RBM20: variants seen among roughly 807,000 people sequenced by gnomAD.
RBM20 encodes RNA-binding protein 20.
In RBM20, 51 loss-of-function variants were observed where a neutral mutation model predicts 110.1. The ratio of observed to expected loss-of-function variants is 0.46; its 90% CI spans 0.37 to 0.59. RBM20 has a LOEUF of 0.59. RBM20 is among the 20% of genes least tolerant of loss of function. RBM20 has a pLI of 0.00. For synonymous variants in RBM20, 589 were observed against 618.2 expected, an observed-to-expected ratio of 0.95 and a Z score of 0.70; for missense variants, 1,512 against 1,574.9, an observed-to-expected ratio of 0.96 and a Z score of 0.68.
At chr10:110,793,618 T>G (rs4917587) in intron 5 of RBM20, among the ~76,000 whole-genome samples, 151,662 of 152,366 alleles carry the variant, frequency 1, 75,479 homozygotes, top group Middle Eastern at 1. Context: ...ATAGGTTACA[T>G]CTCCGTATTT....
At chr10:110,758,014 C>CTTTGTTTTTT (rs1843943237) in intron 1 of RBM20, among the ~76,000 whole-genome samples, 1 of 79,910 alleles carries the variant, frequency 1.3e-5, no homozygotes, top group Admixed American at 1.8e-4. Flanking sequence ...GATCCTTGTT[C>CTTTGTTTTTT]TTTTTTTTTT....
intron 1 of RBM20, among the ~76,000 whole-genome samples, chr10:110,716,654 C>T (rs140820027): frequency 1.3e-5 from 2 of 152,184 alleles, no homozygotes; most frequent in East Asian, 3.9e-4. Context: ...TGGCTGATGC[C>T]TGTAATCCCA....
chr10:110,830,383 G>A (rs1845035248), intron 12 of RBM20, among the ~76,000 whole-genome samples: 1 of 152,168 alleles, frequency 6.6e-6, no homozygotes, highest in Non-Finnish European at 1.5e-5. Flanking sequence ...AATCACAAAT[G>A]AAATGCTAAT....
chr10:110,820,211 G>A (rs1470830866), intron 10 of RBM20, 35 bp downstream of exon 10: 3 of 1,428,114 alleles, frequency 2.1e-6, no homozygotes, highest in Non-Finnish European at 2.9e-6. Context: ...CTTCTGCCAT[G>A]AGGGACTGAG....
intron 3 of RBM20, among the ~76,000 whole-genome samples, chr10:110,783,907 CT>C (rs1478914683): frequency 2.0e-5 from 3 of 152,364 alleles, no homozygotes; most frequent in South Asian, 2.1e-4. Flanking sequence ...CCTATTCCCC[CT>C]AAGCCAGCCC....
In RBM20 at chr10:110,746,935, A is replaced by G. The variant is rs764036398; in HGVS notation, c.192-33866A>G. 1.3e-5 allele frequency among the ~76,000 whole-genome samples: 2 copies of G among 152,148 alleles called. 1 individual carries two copies. The highest frequency in any genetic ancestry group is 1.3e-4 in the Admixed American group (2 of 15,280). On this transcript the variant is annotated intron_variant, in intron 1 of 13. Transcript: ENST00000369519. ...CTAGTGATGTAAATAATTCTATACCACTTCTTTTTCTTTTTTCTACCCTCT... is the reference window on the plus strand; with the variant it reads ...CTAGTGATGTAAATAATTCTATACCGCTTCTTTTTCTTTTTTCTACCCTCT...
chr10:110,693,648 T>C (rs1862621189), intron 1 of RBM20, among the ~76,000 whole-genome samples: 1 of 152,234 alleles, frequency 6.6e-6, no homozygotes, highest in South Asian at 2.1e-4. Context: ...CAAGGTAAAG[T>C]ACCAAGGAAC....
At chr10:110,708,394 C>T (rs573866939) in intron 1 of RBM20, among the ~76,000 whole-genome samples, 10 of 152,036 alleles carry the variant, frequency 6.6e-5, no homozygotes, top group Non-Finnish European at 1.0e-4. Flanking sequence ...TGAGGACCAG[C>T]GTGATGAACT....
At chr10:110,706,068 G>A (rs1013048793) in intron 1 of RBM20, among the ~76,000 whole-genome samples, 6 of 149,126 alleles carry the variant, frequency 4.0e-5, no homozygotes, top group African/African-American at 1.5e-4. Flanking sequence ...GTGACAGAGT[G>A]AGACTCCATC....
chr10:110,664,736 G>C (rs1175931557), intron 1 of RBM20, among the ~76,000 whole-genome samples: 5 of 151,942 alleles, frequency 3.3e-5, no homozygotes, highest in Non-Finnish European at 7.4e-5. Context: ...AACAGAGTGA[G>C]ACTCTGTCTC....
rs373480063 is a variant in RBM20, at chr10:110,780,958, G to T, written c.349G>T (p.Ala117Ser). 6.4e-7 allele frequency: 1 copy of T among 1,551,524 alleles called. No homozygotes were observed. The highest frequency in any genetic ancestry group is 1.4e-5 in the African/African-American group (1 of 73,014). ...AGCTGTCACCAACAACACTGCAGCCGCCACAGTCCTGAACCAAGTCCTCTC... is the reference window on the plus strand; with the variant it reads ...AGCTGTCACCAACAACACTGCAGCCTCCACAGTCCTGAACCAAGTCCTCTC... ...QTAVTNNTAA[A>S]TVLNQVLSKV... is the part of the protein sequence containing the mutation. Residue 117 changes from alanine (A) to serine (S), a missense_variant, in exon 2 of 14, where the codon GCC becomes TCC. By Grantham distance (99) the Ala-to-Ser change is moderately conservative (BLOSUM62 1). Coordinates refer to ENST00000369519, the MANE Select transcript of RBM20 (RefSeq NM_001134363.3).
intron 1 of RBM20, among the ~76,000 whole-genome samples, chr10:110,775,014 A>G (rs1844242806): frequency 6.6e-6 from 1 of 152,200 alleles, no homozygotes; most frequent in Non-Finnish European, 1.5e-5. Flanking sequence ...GGAAAACTAT[A>G]ATGTAGTTCT....
At chr10:110,761,201 G>A (rs752058532) in intron 1 of RBM20, 1 of 151,868 alleles carries the variant, frequency 6.6e-6, no homozygotes, top group African/African-American at 2.4e-5. Context: ...AGCTAAGCAC[G>A]GTCAGGCCTA....
At chr10:110,728,156 G>C (rs944186151) in intron 1 of RBM20, among the ~76,000 whole-genome samples, 1 of 152,164 alleles carries the variant, frequency 6.6e-6, no homozygotes, top group African/African-American at 2.4e-5. Context: ...TAATCCTTTA[G>C]GTATATACCC....
At chr10:110,800,041 A>G in intron 7 of RBM20, 123 bp downstream of exon 7, 2 of 940,280 alleles carry the variant, frequency 2.1e-6, no homozygotes, top group East Asian at 2.7e-5. Context: ...GAAATTACAC[A>G]CTGCCTTTGA....
chr10:110,683,305 G>A (rs1862449251), intron 1 of RBM20, among the ~76,000 whole-genome samples: 1 of 152,218 alleles, frequency 6.6e-6, no homozygotes, highest in South Asian at 2.1e-4. Context: ...TTGGCTCAAA[G>A]CACTGGTCAG....
intron 1 of RBM20, among the ~76,000 whole-genome samples, chr10:110,754,162 A>G (rs76304765): frequency 0.017 from 2,534 of 152,262 alleles, 78 homozygotes; most frequent in African/African-American, 0.058. Context: ...CAGCGTATTA[A>G]AGATATTATT....
chr10:110,716,259 C>T (rs1249551484), intron 1 of RBM20, among the ~76,000 whole-genome samples: 1 of 152,168 alleles, frequency 6.6e-6, no homozygotes, highest in East Asian at 1.9e-4. Context: ...AGATGTCTCC[C>T]TCCAGGGCAA....
At chr10:110,674,578 T>A (rs1326378974) in intron 1 of RBM20, among the ~76,000 whole-genome samples, 2 of 152,196 alleles carry the variant, frequency 1.3e-5, no homozygotes, top group Admixed American at 6.5e-5. Context: ...ACTTTGAAGC[T>A]CACTGGATTA....
Sources: gnomAD v4.1 joint callset for allele counts (sites outside exome capture counted in the v4.1 genomes callset) on GRCh38, gnomAD v4.1.1 for gene constraint, MANE v1.5 for transcripts, NCBI Gene and HGNC (gene_info 2026-07-23, HGNC 2026-07-21) for gene names.